The following LINGO2 variants were observed in gnomAD, a reference collection of about 807,000 sequenced individuals.
LINGO2 encodes the protein leucine-rich repeat and immunoglobulin-like domain-containing nogo receptor-interacting protein 2.
In LINGO2, 14 loss-of-function variants were observed where a neutral mutation model predicts 30.6. The observed-to-expected ratio is 0.46, with a 90% CI of 0.30 to 0.72. The LOEUF (loss-of-function observed/expected upper bound fraction) is 0.72, where lower values mean the gene tolerates loss of function less well. Ranked by LOEUF, LINGO2 falls within the 30% of genes least tolerant of loss-of-function variation. The pLI is 0.07. For missense variants in LINGO2, 729 were observed against 751.7 expected (o/e 0.97, Z 0.35); for synonymous variants, 317 against 288.5 (o/e 1.10, Z -1.00).
At chr9:27,959,717 T>C (rs544079721) in intron 5 of LINGO2, among the ~76,000 whole-genome samples, 53 of 152,340 alleles carry the variant, frequency 3.5e-4, no homozygotes, top group African/African-American at 1.2e-3. Flanking sequence ...TGCCAGGCCA[T>C]GTGCACTTGA....
At chr9:28,981,018 C>A in the LINGO2 span, among the ~76,000 whole-genome samples, 4 of 152,072 alleles carry the variant, frequency 2.6e-5, no homozygotes, top group Non-Finnish European at 5.9e-5. Context: ...ACTGGTAATA[C>A]ACAGCCACTA....
chr9:28,682,207 C>T, the LINGO2 span, among the ~76,000 whole-genome samples: 1 of 152,188 alleles, frequency 6.6e-6, no homozygotes, highest in African/African-American at 2.4e-5. Context: ...TTCAATGACA[C>T]TGTTCAGTCA....
intron 3 of LINGO2, among the ~76,000 whole-genome samples, chr9:28,368,772 A>G (rs1231490459): frequency 1.3e-5 from 2 of 148,268 alleles, no homozygotes; most frequent in Non-Finnish European, 3.0e-5. Flanking sequence ...AATTTTTTGT[A>G]TTTTTAGTGG....
intron 4 of LINGO2, among the ~76,000 whole-genome samples, chr9:28,235,921 A>C (rs1821547206): frequency 6.6e-6 from 1 of 152,170 alleles, no homozygotes; most frequent in African/African-American, 2.4e-5. Context: ...ATTTAAAGAG[A>C]TAATATCAGA....
At chr9:28,498,817 G>C (rs1819768406) in intron 1 of LINGO2, among the ~76,000 whole-genome samples, 1 of 151,952 alleles carries the variant, frequency 6.6e-6, no homozygotes, top group African/African-American at 2.4e-5. Flanking sequence ...TCCTATTTAG[G>C]CTACTTTGAT....
At chr9:28,447,783 C>A (rs764537757) in intron 2 of LINGO2, among the ~76,000 whole-genome samples, 1 of 152,120 alleles carries the variant, frequency 6.6e-6, no homozygotes, top group Non-Finnish European at 1.5e-5. Context: ...TAACACAAAA[C>A]TTTACATTAC....
At chr9:28,753,966 T>C in the LINGO2 span, among the ~76,000 whole-genome samples, 3 of 151,768 alleles carry the variant, frequency 2.0e-5, no homozygotes, top group African/African-American at 7.3e-5. Context: ...AATTTTGATT[T>C]TTTTCCACTT....
chr9:28,625,689 T>C (rs1282036392), intron 1 of LINGO2, among the ~76,000 whole-genome samples: 4 of 152,138 alleles, frequency 2.6e-5, no homozygotes. Flanking sequence ...TAGTATTTCA[T>C]TATGGTTATA....
At chr9:28,555,186 C>CA (rs1822578091) in intron 1 of LINGO2, among the ~76,000 whole-genome samples, 1 of 131,380 alleles carries the variant, frequency 7.6e-6, no homozygotes, top group African/African-American at 3.3e-5. Context: ...AAAAACCCTT[C>CA]AAAAAATCAA....
intron 4 of LINGO2, among the ~76,000 whole-genome samples, chr9:28,087,571 A>G (rs1825949902): frequency 6.6e-6 from 1 of 151,922 alleles, no homozygotes; most frequent in Non-Finnish European, 1.5e-5. Flanking sequence ...TCTTGGTCCT[A>G]TCTGGGGAAT....
At chr9:28,434,529 CAAAAAA>C (rs3064822) in intron 2 of LINGO2, among the ~76,000 whole-genome samples, 3 of 131,002 alleles carry the variant, frequency 2.3e-5, no homozygotes, top group Admixed American at 7.5e-5. Context: ...TCTTGAGCAT[CAAAAAA>C]AAAAAAAAAA....
At chr9:28,336,687 T>G (rs922997290) in intron 3 of LINGO2, among the ~76,000 whole-genome samples, 1 of 152,158 alleles carries the variant, frequency 6.6e-6, no homozygotes, top group Non-Finnish European at 1.5e-5. Flanking sequence ...GAACTACTTT[T>G]GCACCTTTGC....
At chr9:27,997,166 A>G (rs1041712160) in intron 5 of LINGO2, among the ~76,000 whole-genome samples, 17 of 152,292 alleles carry the variant, frequency 1.1e-4, no homozygotes, top group African/African-American at 4.1e-4. Context: ...GCCCAGTACA[A>G]CTTTCTGCAA....
At chr9:28,091,103 T>G (rs980844560) in intron 4 of LINGO2, among the ~76,000 whole-genome samples, 1 of 152,144 alleles carries the variant, frequency 6.6e-6, no homozygotes, top group African/African-American at 2.4e-5. Context: ...TGCTCATGGA[T>G]AGGAAGAATC....
chr9:28,557,319 A>T (rs1395947521), intron 1 of LINGO2, among the ~76,000 whole-genome samples: 1 of 152,214 alleles, frequency 6.6e-6, no homozygotes, highest in Non-Finnish European at 1.5e-5. Context: ...AAACAACCCC[A>T]TCAAAAAGTG....
chr9:29,163,481 A>G, the LINGO2 span, among the ~76,000 whole-genome samples: 1 of 152,204 alleles, frequency 6.6e-6, no homozygotes, highest in African/African-American at 2.4e-5. Flanking sequence ...ATACACAGGA[A>G]ACATGAAACA....
chr9:28,652,694 T>C (rs1403515965), intron 1 of LINGO2, among the ~76,000 whole-genome samples: 2 of 151,236 alleles, frequency 1.3e-5, no homozygotes, highest in East Asian at 3.9e-4. Flanking sequence ...TAGTAAGACA[T>C]GTTGCTGAAA....
At chr9:28,641,068 C>CT (rs1406052557) in intron 1 of LINGO2, among the ~76,000 whole-genome samples, 1 of 152,062 alleles carries the variant, frequency 6.6e-6, no homozygotes, top group Admixed American at 6.6e-5. Context: ...GAGTCTCACT[C>CT]TGTCGCCCAG....
At chr9:28,885,216 C>A in the LINGO2 span, among the ~76,000 whole-genome samples, 10 of 147,432 alleles carry the variant, frequency 6.8e-5, no homozygotes, top group African/African-American at 2.5e-4. Context: ...ATAATTGCAA[C>A]GGTGCCCCTT....
Sources: gnomAD v4.1 joint callset for allele counts (sites outside exome capture counted in the v4.1 genomes callset) on GRCh38, gnomAD v4.1.1 for gene constraint, MANE v1.5 for transcripts, NCBI Gene and HGNC (gene_info 2026-07-23, HGNC 2026-07-21) for gene names.